RC3H2: variants seen among roughly 807,000 people sequenced by gnomAD.
RC3H2 encodes roquin-2.
In RC3H2, 31 loss-of-function variants were observed where a neutral mutation model predicts 133.3. That is an observed-to-expected ratio of 0.23 (90% CI 0.17 to 0.31). The LOEUF is 0.31. RC3H2 is among the 10% of genes least tolerant of loss of function. The pLI is 1.00. For synonymous variants in RC3H2, 517 were observed against 502.2 expected, an observed-to-expected ratio of 1.03 and a Z score of -0.40; for missense variants, 1,175 against 1,437.2, an observed-to-expected ratio of 0.82 and a Z score of 2.95.
intron 5 of RC3H2, among the ~76,000 whole-genome samples, chr9:122,881,050 T>C (rs1831598997): frequency 6.6e-6 from 1 of 152,150 alleles, no homozygotes; most frequent in Admixed American, 6.6e-5. Flanking sequence ...TAGAAAATTA[T>C]AGTAAAAGTT....
chr9:122,886,224 CAT>C (rs1831906493), intron 4 of RC3H2, among the ~76,000 whole-genome samples: 1 of 152,022 alleles, frequency 6.6e-6, no homozygotes, highest in Non-Finnish European at 1.5e-5. Flanking sequence ...CCACATGCAG[CAT>C]GTATCAGTAT....
At chr9:122,899,055 C>G (rs981799468) in intron 1 of RC3H2, among the ~76,000 whole-genome samples, 5 of 147,766 alleles carry the variant, frequency 3.4e-5, no homozygotes, top group African/African-American at 1.2e-4. Flanking sequence ...CTCAATTATG[C>G]CAACATACAA....
At chr9:122,850,931 A>T in intron 20 of RC3H2, 150 bp downstream of exon 20, 1 of 804,234 alleles carries the variant, frequency 1.2e-6, no homozygotes, top group Non-Finnish European at 2.0e-6. Flanking sequence ...GTTCAATTTT[A>T]CTTTTTCTTC....
chr9:122,905,308 C>G lies in RC3H2; in HGVS notation c.-266G>C, dbSNP rs977774116. ...CGGGGCCTCCTCCTCCTCCCTCCAC[C>G]TCCGCCTCCTCCTCCTCCTCCTCCT... On this transcript the variant is annotated 5_prime_UTR_variant, in exon 1 of 21. Transcript: ENST00000357244. The G allele has an allele frequency of 3.5e-4, 348 of 985,368 alleles. No individual in the cohort carries two copies. Among genetic ancestry groups the G allele is most frequent in the East Asian group, 5.7e-4 (5 of 8,818 alleles). 61.0% of individuals were successfully genotyped at this position (985,368 alleles called of 1,614,324 possible). A position where few individuals can be genotyped will look rare whatever the true frequency, so the allele number is the denominator to read the frequency against.
At chr9:122,853,746 CA>C in intron 18 of RC3H2, 1 of 1,372,418 alleles carries the variant, frequency 7.3e-7, no homozygotes, top group Non-Finnish European at 9.7e-7. Context: ...GATTCCATCT[CA>C]AAAAAACAAA....
intron 10 of RC3H2, 77 bp downstream of exon 10, chr9:122,865,272 T>C: frequency 8.1e-7 from 1 of 1,235,294 alleles, no homozygotes; most frequent in Non-Finnish European, 1.1e-6. Context: ...CCGGTATTCA[T>C]CAGCAGAAAT....
Position 122,880,115 on chromosome 9 carries a change from G to A in RC3H2, c.971C>T (p.Pro324Leu), listed in dbSNP as rs771268655. The change falls in exon 7 of 21, where the codon CCA becomes CTA. Residue 324 changes from proline (P) to leucine (L), a missense_variant. Pro to Leu is a moderately conservative substitution (Grantham distance 98, BLOSUM62 -3). This residue lies in a region of RC3H2 where 131 missense variants were observed against 154.2 expected (regional missense o/e 0.85). Coordinates refer to ENST00000357244, the MANE Select transcript of RC3H2 (RefSeq NM_001100588.3). ...MQSIIDKLQS[P>L]ESFAKSVQEL... is the part of the protein sequence containing the mutation. ...CTGGACACTCTTTGCAAATGACTCT[G>A]GAGACTGTAGCTAACAAACAGAAAT... The A allele has an allele frequency of 1.9e-6, 3 of 1,614,074 alleles. No individual in the cohort carries two copies. Among genetic ancestry groups the A allele is most frequent in the African/African-American group, 1.3e-5 (1 of 75,034 alleles).
chr9:122,883,471 G>C, intron 4 of RC3H2, 92 bp from the exon 5 acceptor site: 1 of 885,888 alleles, frequency 1.1e-6, no homozygotes, highest in Non-Finnish European at 1.7e-6. Context: ...AGAGTTTATA[G>C]TGGCCCATTA....
chr9:122,903,263 A>C (rs1832725582), intron 1 of RC3H2, among the ~76,000 whole-genome samples: 1 of 152,188 alleles, frequency 6.6e-6, no homozygotes, highest in African/African-American at 2.4e-5. Context: ...AGCTAGCTTT[A>C]TTTTACCCAT....
At chr9:122,876,061 T>C (rs1408496000) in intron 9 of RC3H2, among the ~76,000 whole-genome samples, 1 of 152,056 alleles carries the variant, frequency 6.6e-6, no homozygotes, top group Non-Finnish European at 1.5e-5. Flanking sequence ...GAAAAGGAGA[T>C]GACAGCTTGG....
At chr9:122,885,337 C>A (rs1415722066) in intron 4 of RC3H2, among the ~76,000 whole-genome samples, 1 of 152,120 alleles carries the variant, frequency 6.6e-6, no homozygotes, top group Admixed American at 6.5e-5. Flanking sequence ...ATTATTCTTA[C>A]AACTTTTCAG....
At chr9:122,877,951 T>C (rs1831411300) in intron 8 of RC3H2, among the ~76,000 whole-genome samples, 2 of 152,220 alleles carry the variant, frequency 1.3e-5, no homozygotes, top group South Asian at 4.2e-4. Flanking sequence ...ACCAAAAGCT[T>C]TGTCTACTTA....
intron 20 of RC3H2, among the ~76,000 whole-genome samples, chr9:122,850,445 T>TAGATAGATAGATAGAC (rs1457026626): frequency 6.6e-6 from 1 of 151,472 alleles, no homozygotes; most frequent in Non-Finnish European, 1.5e-5. Flanking sequence ...TATAGATAGA[T>TAGATAGATAGATAGAC]AGATAGATAG....
chr9:122,899,043 T>C (rs1308076161), intron 1 of RC3H2, among the ~76,000 whole-genome samples: 3 of 151,026 alleles, frequency 2.0e-5, no homozygotes, highest in African/African-American at 7.3e-5. Context: ...ACAGAAAGTA[T>C]TCTCAATTAT....
intron 1 of RC3H2, among the ~76,000 whole-genome samples, chr9:122,900,007 C>T (rs1545426): frequency 0.99 from 151,376 of 152,306 alleles, 75,233 homozygotes; most frequent in East Asian, 1. Flanking sequence ...GAGTTTCAAC[C>T]ATACAGAAAA....
At chr9:122,889,363 C>T (rs1370061174) in intron 4 of RC3H2, among the ~76,000 whole-genome samples, 1 of 151,850 alleles carries the variant, frequency 6.6e-6, no homozygotes, top group Non-Finnish European at 1.5e-5. Flanking sequence ...ATAAGGATTT[C>T]TGACGTTTGT....
rs1453757377 is a variant in RC3H2 at position 122,852,148 on chromosome 9, C to T, written c.3118-712G>A. ...GATGTGGGGAGCGCCTCTGCCCCGC[C>T]GCCCTGTCTGGGATGTGAGGAATGC... On this transcript the variant is annotated intron_variant, in intron 18 of 20. Transcript: ENST00000357244. Among the ~76,000 whole-genome samples, 7 of 149,236 alleles carry T rather than the reference C, an allele frequency of 4.7e-5. No homozygotes were observed. In the East Asian group the frequency reaches 6.1e-4, roughly 13 times the overall value.
intron 3 of RC3H2, 41 bp downstream of exon 3, chr9:122,892,868 C>T: frequency 1.4e-6 from 2 of 1,475,472 alleles, no homozygotes; most frequent in Non-Finnish European, 1.9e-6. Flanking sequence ...AATGTACTAC[C>T]AAGTCCTACT....
In RC3H2 at chr9:122,880,103, G is replaced by C; in HGVS notation, c.983C>G (p.Ala328Gly). ...AATTGTCAATTCCTGGACACTCTTT[G>C]CAAATGACTCTGGAGACTGTAGCTA... ...IDKLQSPESFAKSVQELTIVL... is the reference protein window; with the variant it reads ...IDKLQSPESFGKSVQELTIVL... The change falls in exon 7 of 21, where the codon GCA becomes GGA. Residue 328 changes from alanine (A) to glycine (G), a missense_variant. Around this residue, in one of 8 missense-constraint regions of RC3H2, gnomAD observed 131 missense variants for 154.2 expected, o/e 0.85. Coordinates refer to ENST00000357244, the MANE Select transcript of RC3H2 (RefSeq NM_001100588.3). 1 of 1,614,118 alleles carries C rather than the reference G, an allele frequency of 6.2e-7. No individual in the cohort carries two copies. The highest frequency in any genetic ancestry group is 8.5e-7 in the Non-Finnish European group (1 of 1,179,976).
Sources: allele counts gnomAD v4.1 joint callset (sites outside exome capture counted in the v4.1 genomes callset), GRCh38; gene constraint gnomAD v4.1.1; regional missense constraint gnomAD v4.1.1; transcripts MANE v1.5; gene names NCBI Gene and HGNC (gene_info 2026-07-23, HGNC 2026-07-21).